SCHIP1: variants seen among roughly 807,000 people sequenced by gnomAD.
SCHIP1 encodes schwannomin interacting protein 1, also known as schwannomin-interacting protein 1.
Under a neutral mutation model 29.7 loss-of-function variants are expected in SCHIP1, and 8 were observed. That is an observed-to-expected ratio of 0.27 (90% CI 0.16 to 0.49). The LOEUF is 0.49. SCHIP1 is among the 20% of genes least tolerant of loss of function. SCHIP1 has a pLI of 0.99. For synonymous variants in SCHIP1, 76 were observed against 94.9 expected, an observed-to-expected ratio of 0.80 and a Z score of 1.16; for missense variants, 193 against 294.6, an observed-to-expected ratio of 0.66 and a Z score of 2.52.
chr3:159,728,842 T>A, the SCHIP1 span, among the ~76,000 whole-genome samples: 1 of 152,150 alleles, frequency 6.6e-6, no homozygotes, highest in East Asian at 1.9e-4. Flanking sequence ...GCTCTCAGGT[T>A]TACTCATTAA....
the SCHIP1 span, among the ~76,000 whole-genome samples, chr3:159,513,496 A>AGAC: frequency 3.3e-5 from 5 of 151,766 alleles, no homozygotes; most frequent in East Asian, 9.7e-4. Flanking sequence ...GCATTATTTT[A>AGAC]AGGAGACAAA....
the SCHIP1 span, among the ~76,000 whole-genome samples, chr3:159,458,021 T>G: frequency 6.6e-6 from 1 of 152,290 alleles, no homozygotes; most frequent in South Asian, 2.1e-4. Context: ...AAAACTGGCT[T>G]AGCAATTAAT....
chr3:159,628,888 C>T, the SCHIP1 span, among the ~76,000 whole-genome samples: 2 of 151,922 alleles, frequency 1.3e-5, no homozygotes, highest in Non-Finnish European at 2.9e-5. Flanking sequence ...AAAAATACAA[C>T]ATAAAATCAT....
At chr3:159,293,721 A>G in the SCHIP1 span, among the ~76,000 whole-genome samples, 2 of 152,172 alleles carry the variant, frequency 1.3e-5, no homozygotes, top group African/African-American at 4.8e-5. Flanking sequence ...ATATCAGATT[A>G]GCTGCTGGAG....
chr3:159,326,367 C>A, the SCHIP1 span, among the ~76,000 whole-genome samples: 2 of 152,096 alleles, frequency 1.3e-5, no homozygotes, highest in Non-Finnish European at 2.9e-5. Flanking sequence ...AATAAGTATT[C>A]CAAAAGTACA....
the SCHIP1 span, among the ~76,000 whole-genome samples, chr3:159,589,470 T>C: frequency 1.3e-5 from 2 of 152,306 alleles, no homozygotes; most frequent in African/African-American, 4.8e-5. Flanking sequence ...TCCTGCCTGA[T>C]TGCCCTGGCC....
chr3:159,890,724 C>T (rs945302138), intron 5 of SCHIP1, among the ~76,000 whole-genome samples: 2 of 151,932 alleles, frequency 1.3e-5, no homozygotes, highest in African/African-American at 2.4e-5. Context: ...AAATTGCCAT[C>T]TAGTCCTTTT....
the SCHIP1 span, among the ~76,000 whole-genome samples, chr3:159,750,263 G>GTATA: frequency 0.049 from 1,175 of 23,958 alleles, 7 homozygotes; most frequent in South Asian, 0.092. Context: ...ATGTGTGTGT[G>GTATA]TATATATATA....
chr3:159,876,716 G>A (rs755678965), intron 2 of SCHIP1, among the ~76,000 whole-genome samples: 1 of 152,146 alleles, frequency 6.6e-6, no homozygotes, highest in East Asian at 1.9e-4. Context: ...TTGGACATAC[G>A]CTTTTATCAT....
the SCHIP1 span, among the ~76,000 whole-genome samples, chr3:159,537,094 G>A: frequency 6.6e-6 from 1 of 152,174 alleles, no homozygotes. Flanking sequence ...CACTGCTCCT[G>A]TACAAGCCAG....
At chr3:159,832,727 G>A in the SCHIP1 span, among the ~76,000 whole-genome samples, 1 of 152,116 alleles carries the variant, frequency 6.6e-6, no homozygotes, top group East Asian at 1.9e-4. Flanking sequence ...CACTGTGTTA[G>A]TTTTCATTCT....
At chr3:159,341,792 C>T in the SCHIP1 span, among the ~76,000 whole-genome samples, 1 of 152,046 alleles carries the variant, frequency 6.6e-6, no homozygotes, top group South Asian at 2.1e-4. Flanking sequence ...AACCAAAAGT[C>T]CTGTTCAAAT....
chr3:159,276,302 G>A, the SCHIP1 span, among the ~76,000 whole-genome samples: 1 of 152,160 alleles, frequency 6.6e-6, no homozygotes, highest in Non-Finnish European at 1.5e-5. Flanking sequence ...GTCCTAAATG[G>A]TAGCTTCTTA....
the SCHIP1 span, among the ~76,000 whole-genome samples, chr3:159,828,100 A>T: frequency 6.6e-6 from 1 of 151,516 alleles, no homozygotes; most frequent in Non-Finnish European, 1.5e-5. Context: ...AACTCATGAT[A>T]TAAAATGAAA....
the SCHIP1 span, among the ~76,000 whole-genome samples, chr3:159,658,539 C>T: frequency 7.2e-5 from 11 of 152,138 alleles, no homozygotes; most frequent in Non-Finnish European, 1.6e-4. Context: ...CTGCTGGATC[C>T]TTCTCATCTC....
At chr3:159,748,178 G>A in the SCHIP1 span, among the ~76,000 whole-genome samples, 1 of 152,126 alleles carries the variant, frequency 6.6e-6, no homozygotes, top group African/African-American at 2.4e-5. Context: ...CTAAGAACAA[G>A]AGAAATGTTG....
chr3:159,364,296 A>G, the SCHIP1 span, among the ~76,000 whole-genome samples: 1 of 152,216 alleles, frequency 6.6e-6, no homozygotes, highest in Admixed American at 6.5e-5. Flanking sequence ...CACATAGTAG[A>G]CATTCAATAA....
chr3:159,860,125 G>A (rs1373920088), intron 1 of SCHIP1, among the ~76,000 whole-genome samples: 6 of 152,122 alleles, frequency 3.9e-5, no homozygotes, highest in Non-Finnish European at 1.5e-5. Context: ...GGCCACGGGG[G>A]ACCAGTGTAT....
At chr3:159,489,228 C>T in the SCHIP1 span, among the ~76,000 whole-genome samples, 1 of 152,050 alleles carries the variant, frequency 6.6e-6, no homozygotes, top group Admixed American at 6.6e-5. Flanking sequence ...AATATTTGCC[C>T]TATTCTTCCA....
Sources: allele counts gnomAD v4.1 joint callset (sites outside exome capture counted in the v4.1 genomes callset), GRCh38; gene constraint gnomAD v4.1.1; transcripts MANE v1.5; gene names NCBI Gene and HGNC (gene_info 2026-07-23, HGNC 2026-07-21).